The following THADA variants were observed in gnomAD, a reference collection of about 807,000 sequenced individuals.
THADA encodes the protein THADA armadillo repeat containing, also known as tRNA (32-2'-O)-methyltransferase regulator THADA.
Under a neutral mutation model 219.8 loss-of-function variants are expected in THADA, and 213 were observed. The ratio of observed to expected loss-of-function variants is 0.97; its 90% CI spans 0.87 to 1.09. THADA has a LOEUF of 1.09. THADA is among the 50% of genes least tolerant of loss of function. THADA has a pLI of 0.00. For missense variants in THADA, 2,956 were observed against 2,311.3 expected (o/e 1.28, Z -5.72); for synonymous variants, 1,018 against 828.9 (o/e 1.23, Z -3.92).
At chr2:43,573,022 G>A in intron 11 of THADA, 30 bp from the exon 12 acceptor site, 2 of 1,572,574 alleles carry the variant, frequency 1.3e-6, no homozygotes, top group Non-Finnish European at 8.6e-7. Context: ...GACCATTACT[G>A]TATTATGCAA....
At chr2:43,434,384 C>T (rs572942157) in intron 26 of THADA, among the ~76,000 whole-genome samples, 3 of 152,326 alleles carry the variant, frequency 2.0e-5, no homozygotes, top group East Asian at 1.9e-4. Flanking sequence ...CCTGTGCCCA[C>T]GGACCTAGGT....
chr2:43,357,133 A>G (rs1049059330), intron 29 of THADA, among the ~76,000 whole-genome samples: 2 of 152,256 alleles, frequency 1.3e-5, no homozygotes, highest in Non-Finnish European at 1.5e-5. Context: ...GTATTTAGCA[A>G]AGAACATAAA....
chr2:43,556,584 T>C (rs752078907), intron 16 of THADA, 29 bp from the exon 17 acceptor site: 2 of 1,587,034 alleles, frequency 1.3e-6, no homozygotes, highest in East Asian at 2.2e-5. Context: ...TCAGTAACTG[T>C]CAAATTAAAG....
chr2:43,503,035 C>A (rs1420190924), intron 24 of THADA, among the ~76,000 whole-genome samples: 1 of 152,116 alleles, frequency 6.6e-6, no homozygotes, highest in Non-Finnish European at 1.5e-5. Context: ...CACCATTTCA[C>A]ACTAAGCAGA....
intron 22 of THADA, among the ~76,000 whole-genome samples, chr2:43,513,954 G>A (rs1690830131): frequency 6.6e-6 from 1 of 151,778 alleles, no homozygotes; most frequent in Middle Eastern, 3.4e-3. Flanking sequence ...CAGCAACTCA[G>A]GAGGCTAAAG....
chr2:43,342,920 C>T (rs1051564784), intron 30 of THADA: 1 of 152,088 alleles, frequency 6.6e-6, no homozygotes, highest in Non-Finnish European at 1.5e-5. Flanking sequence ...ACAAAAGTGA[C>T]CAAAAGCACA....
Position 43,574,638 on chromosome 2 carries a change from G to C in THADA, c.1427C>G (p.Thr476Ser), listed in dbSNP as rs768485836. 7 of 1,613,844 alleles carry C rather than the reference G, an allele frequency of 4.3e-6. No homozygotes were observed. Among genetic ancestry groups the C allele is most frequent in the Non-Finnish European group, 4.2e-6 (5 of 1,179,886 alleles). The change falls in exon 11 of 38, where the codon ACT becomes AGT. Residue 476 changes from threonine to serine, a missense_variant. Thr to Ser is a moderately conservative substitution (Grantham distance 58). Transcript: ENST00000405975. ...CACCTCTAAGATTTGAGATGGAATA[G>C]TTTTATCTATAGCCAAAATATGTTC... ...GVEHILAIDK[T>S]IPSQILEVMG...
At chr2:43,257,570 C>G (rs1028620816) in intron 36 of THADA, among the ~76,000 whole-genome samples, 3 of 152,216 alleles carry the variant, frequency 2.0e-5, no homozygotes, top group Non-Finnish European at 4.4e-5. Context: ...CCACTTCCTC[C>G]GTTGGCATCT....
chr2:43,582,202 A>G (rs1170468560), intron 7 of THADA, among the ~76,000 whole-genome samples: 3 of 152,210 alleles, frequency 2.0e-5, no homozygotes, highest in African/African-American at 7.2e-5. Context: ...TCAAGAATGA[A>G]TGACAGAACT....
At chr2:43,462,834 G>T (rs1006930065) in intron 26 of THADA, among the ~76,000 whole-genome samples, 3 of 152,018 alleles carry the variant, frequency 2.0e-5, no homozygotes, top group Admixed American at 1.3e-4. Context: ...ATACTAAAAG[G>T]CATTTCCAGT....
chr2:43,348,822 G>A (rs370868131), intron 29 of THADA, among the ~76,000 whole-genome samples: 16 of 152,294 alleles, frequency 1.1e-4, no homozygotes, highest in African/African-American at 3.6e-4. Flanking sequence ...TGTGATGACT[G>A]CTTTACTTAG....
rs145562547 is a variant in THADA at position 43,559,062 on chromosome 2, A to G, written c.2463+1172T>C. ...ATGCCTTCTCCATCCAGGTACTCTC[A>G]AAATATTTGCCAAGAATGGGGCATC... On this transcript the variant is annotated intron_variant, in intron 16 of 37. Transcript: ENST00000405975. 3.2e-3 allele frequency among the ~76,000 whole-genome samples: 481 copies of G among 152,298 alleles called. 1 individual carries two copies. Among genetic ancestry groups the G allele is most frequent in the African/African-American group, 0.011 (459 of 41,570 alleles).
At chr2:43,383,136 A>T (rs1220945314) in intron 29 of THADA, among the ~76,000 whole-genome samples, 4 of 152,228 alleles carry the variant, frequency 2.6e-5, no homozygotes, top group Non-Finnish European at 5.9e-5. Context: ...ATGAGCATGT[A>T]TGGCTCTAAA....
intron 26 of THADA, among the ~76,000 whole-genome samples, chr2:43,443,382 C>G (rs1681095009): frequency 6.6e-6 from 1 of 152,168 alleles, no homozygotes; most frequent in Non-Finnish European, 1.5e-5. Flanking sequence ...AATGAGTACC[C>G]TGCCAGAGCT....
At chr2:43,460,424 ACAGAACTGGGC>A (rs1221163102) in intron 26 of THADA, among the ~76,000 whole-genome samples, 1 of 152,052 alleles carries the variant, frequency 6.6e-6, no homozygotes, top group African/African-American at 2.4e-5. Context: ...CATTTTCTGG[ACAGAACTGGGC>A]CTAACATCTC....
chr2:43,232,568 C>T (rs1450049769), intron 37 of THADA, 145 bp downstream of exon 37: 16 of 857,250 alleles, frequency 1.9e-5, no homozygotes, highest in South Asian at 3.4e-5. Flanking sequence ...CCCGTGTCCT[C>T]GGCAGCACCC....
chr2:43,262,101 G>T (rs1251659670), intron 36 of THADA, among the ~76,000 whole-genome samples: 2 of 152,194 alleles, frequency 1.3e-5, no homozygotes, highest in Non-Finnish European at 2.9e-5. Flanking sequence ...CTTTATCAAA[G>T]TGACATAGAG....
At chr2:43,326,544 T>A (rs531023953) in intron 30 of THADA, among the ~76,000 whole-genome samples, 1 of 152,220 alleles carries the variant, frequency 6.6e-6, no homozygotes, top group Admixed American at 6.5e-5. Flanking sequence ...TCCTAACTCC[T>A]ATCTACAAGA....
intron 26 of THADA, among the ~76,000 whole-genome samples, chr2:43,466,160 C>T (rs1452335483): frequency 2.0e-5 from 3 of 152,224 alleles, no homozygotes; most frequent in Non-Finnish European, 4.4e-5. Context: ...TCCTATAAAA[C>T]ACAGCTCTTC....
Sources: allele counts gnomAD v4.1 joint callset (sites outside exome capture counted in the v4.1 genomes callset), GRCh38; gene constraint gnomAD v4.1.1; transcripts MANE v1.5; gene names NCBI Gene and HGNC (gene_info 2026-07-23, HGNC 2026-07-21).